The following PALLD variants were observed in gnomAD, a reference collection of about 807,000 sequenced individuals.
The protein encoded by PALLD is palladin.
A neutral mutation model predicts 123.5 loss-of-function variants in PALLD; 61 were observed. The observed-to-expected ratio is 0.49, with a 90% CI of 0.40 to 0.61. The LOEUF is 0.61. PALLD is among the 20% of genes least tolerant of loss of function. The pLI is 0.00. For missense variants in PALLD, 1,273 were observed against 1,377.0 expected, an observed-to-expected ratio of 0.92 and a Z score of 1.20; for synonymous variants, 465 against 496.4, an observed-to-expected ratio of 0.94 and a Z score of 0.84.
chr4:168,627,337 C>A (rs1172659407), intron 2 of PALLD, among the ~76,000 whole-genome samples: 2 of 152,088 alleles, frequency 1.3e-5, no homozygotes, highest in Non-Finnish European at 2.9e-5. Flanking sequence ...TGGCGAAAAC[C>A]CATTTCTACT....
At chr4:168,878,027 A>C in intron 10 of PALLD, 1 of 1,490,708 alleles carries the variant, frequency 6.7e-7, no homozygotes, top group Non-Finnish European at 8.9e-7. Flanking sequence ...CTCCAGCCCC[A>C]GCTCGTCCAG....
intron 3 of PALLD, among the ~76,000 whole-genome samples, chr4:168,669,313 C>A (rs572159208): frequency 1.3e-5 from 2 of 152,290 alleles, no homozygotes; most frequent in East Asian, 3.9e-4. Context: ...TGCCTGTAAT[C>A]CCAGCACTTT....
intron 10 of PALLD, among the ~76,000 whole-genome samples, chr4:168,782,968 G>T (rs939655300): frequency 1.3e-4 from 19 of 151,886 alleles, no homozygotes; most frequent in African/African-American, 4.3e-4. Flanking sequence ...CAGTGGGCCA[G>T]ATTTGGACTA....
chr4:168,513,317 A>G (rs1331303111), intron 2 of PALLD, among the ~76,000 whole-genome samples: 2 of 152,230 alleles, frequency 1.3e-5, no homozygotes, highest in African/African-American at 2.4e-5. Context: ...GCATGGAGAC[A>G]GCAAGAAATA....
intron 2 of PALLD, among the ~76,000 whole-genome samples, chr4:168,612,746 G>A (rs1026032456): frequency 2.6e-5 from 4 of 152,162 alleles, no homozygotes; most frequent in African/African-American, 9.7e-5. Flanking sequence ...AAACTCCTTA[G>A]GGATAGAGTC....
rs1334174398 is a variant in PALLD, at chr4:168,924,992, C to T, written c.3272C>T (p.Ala1091Val). The change falls in exon 20 of 22, where the codon GCC (alanine) becomes GTC (valine). Residue 1091 changes from alanine (A) to valine (V), a missense_variant. Around this residue, in one of 2 missense-constraint regions of PALLD, gnomAD observed 329 missense variants for 422.5 expected, o/e 0.78. Transcript: ENST00000505667. ...HGYICLLIQG[A>V]TKEDAGWYTV... Reference sequence around the variant, plus strand: ...TACATCTGCCTGCTCATTCAGGGAGCCACAAAAGAAGATGCTGGGTGGTAT... The same window carrying T: ...TACATCTGCCTGCTCATTCAGGGAGTCACAAAAGAAGATGCTGGGTGGTAT... The T allele has an allele frequency of 6.2e-7, 1 of 1,613,986 alleles. No individual in the cohort carries two copies. Among genetic ancestry groups the T allele is most frequent in the South Asian group, 1.1e-5 (1 of 91,072 alleles).
intron 8 of PALLD, among the ~76,000 whole-genome samples, chr4:168,696,073 T>C (rs1433865047): frequency 6.6e-6 from 1 of 152,144 alleles, no homozygotes; most frequent in Non-Finnish European, 1.5e-5. Flanking sequence ...TAGGAAAGTT[T>C]ATGAATTTAT....
chr4:168,535,505 C>T (rs1178978279), intron 2 of PALLD, among the ~76,000 whole-genome samples: 1 of 152,184 alleles, frequency 6.6e-6, no homozygotes, highest in Non-Finnish European at 1.5e-5. Context: ...ACCCACATAT[C>T]CTAGGCCAGT....
intron 8 of PALLD, chr4:168,700,002 C>T (rs779081381): frequency 4.0e-6 from 1 of 252,422 alleles, no homozygotes; most frequent in Non-Finnish European, 8.0e-6. Context: ...CATTCCTTAC[C>T]AAAATTTATT....
chr4:168,636,400 G>A (rs976699805), intron 2 of PALLD, among the ~76,000 whole-genome samples: 2 of 152,168 alleles, frequency 1.3e-5, no homozygotes, highest in African/African-American at 2.4e-5. Flanking sequence ...CGAGAAGATC[G>A]CTTGAGCTCA....
intron 2 of PALLD, among the ~76,000 whole-genome samples, chr4:168,607,793 G>C (rs1773335431): frequency 6.6e-6 from 1 of 152,016 alleles, no homozygotes; most frequent in African/African-American, 2.4e-5. Flanking sequence ...GCAAGGAAAA[G>C]AAAATCCACC....
chr4:168,694,427 C>G (rs1019652303), intron 8 of PALLD, among the ~76,000 whole-genome samples: 1 of 152,074 alleles, frequency 6.6e-6, no homozygotes, highest in Non-Finnish European at 1.5e-5. Flanking sequence ...CTTGCTCGCT[C>G]TCTCCCCCTC....
At chr4:168,771,179 A>G (rs189648929) in intron 10 of PALLD, among the ~76,000 whole-genome samples, 2 of 152,322 alleles carry the variant, frequency 1.3e-5, no homozygotes, top group Middle Eastern at 3.4e-3. Flanking sequence ...CTTTTGAAAT[A>G]CATGATTATC....
intron 10 of PALLD, among the ~76,000 whole-genome samples, chr4:168,889,709 C>T (rs1027701906): frequency 1.3e-5 from 2 of 152,262 alleles, no homozygotes; most frequent in East Asian, 3.9e-4. Context: ...GTATGCTCCC[C>T]TCAGTTTCTT....
chr4:168,886,138 A>T lies in PALLD; in HGVS notation c.1965-4784A>T, dbSNP rs570809073. The stretch of plus-strand genomic sequence containing the variant: ...TATTAGTGTTGAGACTATCATGATG[A>T]AGCTTTTGGTTTTTTTAATATATTT... On this transcript the variant is annotated intron_variant, in intron 10 of 21. Transcript: ENST00000505667. Among the ~76,000 whole-genome samples the T allele has an allele frequency of 3.3e-5, 5 of 152,310 alleles. No homozygotes were observed. The East Asian group carries it at 9.6e-4, about 29-fold the overall frequency.
At chr4:168,582,128 T>C (rs557469906) in intron 2 of PALLD, among the ~76,000 whole-genome samples, 1 of 152,270 alleles carries the variant, frequency 6.6e-6, no homozygotes, top group Admixed American at 6.5e-5. Context: ...TCTGTTTTTA[T>C]GCAAGTATCT....
At chr4:168,563,526 G>T (rs1311178882) in intron 2 of PALLD, among the ~76,000 whole-genome samples, 3 of 152,070 alleles carry the variant, frequency 2.0e-5, no homozygotes, top group African/African-American at 4.8e-5. Flanking sequence ...AAAACTATTT[G>T]CCAATTTTCC....
chr4:168,737,211 A>G (rs1787847783), intron 10 of PALLD, among the ~76,000 whole-genome samples: 1 of 152,266 alleles, frequency 6.6e-6, no homozygotes, highest in African/African-American at 2.4e-5. Flanking sequence ...CTTCAAAAGA[A>G]TGGAATAGAG....
At chr4:168,681,521 A>G in intron 4 of PALLD, 123 bp downstream of exon 4, 2 of 685,914 alleles carry the variant, frequency 2.9e-6, no homozygotes, top group Non-Finnish European at 5.3e-6. Flanking sequence ...CAGAGATCAA[A>G]TACTGAGGTT....
Sources: allele counts gnomAD v4.1 joint callset (sites outside exome capture counted in the v4.1 genomes callset), GRCh38; gene constraint gnomAD v4.1.1; regional missense constraint gnomAD v4.1.1; transcripts MANE v1.5; gene names NCBI Gene and HGNC (gene_info 2026-07-23, HGNC 2026-07-21).